PDZD2: variants seen among roughly 807,000 people sequenced by gnomAD.
The protein encoded by PDZD2 is PDZ domain-containing protein 2.
Under a neutral mutation model 220.7 loss-of-function variants are expected in PDZD2, and 90 were observed. The ratio of observed to expected loss-of-function variants is 0.41; its 90% CI spans 0.34 to 0.49. The LOEUF is 0.49. PDZD2 is among the 20% of genes least tolerant of loss of function. The probability of loss-of-function intolerance (pLI) is 0.28; values close to 1 mark genes in which losing one functional copy is unlikely to be tolerated. For missense variants in PDZD2, 3,174 were observed against 3,608.5 expected (o/e 0.88, Z 3.08); for synonymous variants, 1,375 against 1,450.5 (o/e 0.95, Z 1.18).
intron 2 of PDZD2, among the ~76,000 whole-genome samples, chr5:31,919,839 A>C (rs1561077952): frequency 7.0e-6 from 1 of 143,644 alleles, no homozygotes; most frequent in Non-Finnish European, 1.5e-5. Context: ...AATATAGTAA[A>C]ACCTGTCTCT....
intron 7 of PDZD2, among the ~76,000 whole-genome samples, chr5:32,046,096 CAT>C (rs931941340): frequency 3.3e-5 from 5 of 152,028 alleles, no homozygotes; most frequent in Admixed American, 1.3e-4. Flanking sequence ...TATTGTATAT[CAT>C]ATAAACATTG....
chr5:31,726,168 T>G (rs1450847517), intron 1 of PDZD2, among the ~76,000 whole-genome samples: 1 of 152,240 alleles, frequency 6.6e-6, no homozygotes, highest in Non-Finnish European at 1.5e-5. Flanking sequence ...CTGAGTTAAC[T>G]TCCAGGGCCA....
chr5:31,678,122 C>T (rs1293493220), intron 1 of PDZD2, among the ~76,000 whole-genome samples: 1 of 152,184 alleles, frequency 6.6e-6, no homozygotes, highest in Admixed American at 6.5e-5. Context: ...ACATGGGGGA[C>T]AGATGGTCAG....
At chr5:32,064,898 A>G (rs283126) in intron 14 of PDZD2, among the ~76,000 whole-genome samples, 62,677 of 152,028 alleles carry the variant, frequency 0.41, 14,048 homozygotes, top group African/African-American at 0.6. Flanking sequence ...AACCCAGGAG[A>G]TGGAGGTTGC....
intron 24 of PDZD2, among the ~76,000 whole-genome samples, chr5:32,107,681 A>G (rs996973340): frequency 1.3e-5 from 2 of 152,180 alleles, no homozygotes; most frequent in African/African-American, 4.8e-5. Context: ...TTTAGTCTGG[A>G]TGTTAACCAT....
At chr5:31,869,318 A>G (rs887820481) in intron 2 of PDZD2, among the ~76,000 whole-genome samples, 5 of 152,014 alleles carry the variant, frequency 3.3e-5, no homozygotes, top group African/African-American at 2.4e-5. Flanking sequence ...TTCCTGACTC[A>G]CTGTCCCTGT....
At chr5:31,703,637 A>AAAAAAG in intron 1 of PDZD2, among the ~76,000 whole-genome samples, 1 of 152,196 alleles carries the variant, frequency 6.6e-6, no homozygotes, top group East Asian at 1.9e-4. Flanking sequence ...ACTTTAATTA[A>AAAAAAG]AAAAAGAAAA....
At chr5:31,805,027 C>CT (rs1754630386) in intron 2 of PDZD2, among the ~76,000 whole-genome samples, 1 of 152,124 alleles carries the variant, frequency 6.6e-6, no homozygotes, top group Non-Finnish European at 1.5e-5. Flanking sequence ...AACCCTGCCT[C>CT]TACTACAAAT....
chr5:31,995,180 T>G (rs571422645), intron 3 of PDZD2, among the ~76,000 whole-genome samples: 1 of 152,298 alleles, frequency 6.6e-6, no homozygotes, highest in South Asian at 2.1e-4. Context: ...AACAGGACCC[T>G]GTTCAGGAAA....
At chr5:31,663,009 A>T (rs1348981879) in intron 1 of PDZD2, among the ~76,000 whole-genome samples, 2 of 152,302 alleles carry the variant, frequency 1.3e-5, no homozygotes, top group Non-Finnish European at 2.9e-5. Flanking sequence ...TGGGACACGG[A>T]CATTCAGGCC....
At chr5:31,736,640 C>T (rs1395127096) in intron 1 of PDZD2, among the ~76,000 whole-genome samples, 1 of 152,150 alleles carries the variant, frequency 6.6e-6, no homozygotes, top group African/African-American at 2.4e-5. Context: ...AGTGGCTTGC[C>T]AAATCAGTGG....
intron 1 of PDZD2, among the ~76,000 whole-genome samples, chr5:31,667,803 C>CT: frequency 6.7e-6 from 1 of 149,726 alleles, no homozygotes; most frequent in Non-Finnish European, 1.5e-5. Flanking sequence ...CTGGGCCCTG[C>CT]TCAGGAAGGT....
chr5:31,804,964 C>T (rs1182357009), intron 2 of PDZD2, among the ~76,000 whole-genome samples: 1 of 152,162 alleles, frequency 6.6e-6, no homozygotes, highest in Non-Finnish European at 1.5e-5. Context: ...GAGGCCGAGG[C>T]GGGTTGGTCA....
intron 1 of PDZD2, among the ~76,000 whole-genome samples, chr5:31,734,371 G>A (rs1465559714): frequency 6.6e-6 from 1 of 152,144 alleles, no homozygotes; most frequent in Non-Finnish European, 1.5e-5. Flanking sequence ...CCAGGCTGGA[G>A]TGCAGTGATG....
intron 3 of PDZD2, among the ~76,000 whole-genome samples, chr5:31,989,054 A>T (rs1581223339): frequency 6.6e-6 from 1 of 152,178 alleles, no homozygotes; most frequent in East Asian, 1.9e-4. Flanking sequence ...TTGATTTTTT[A>T]AAAATGTTTT....
intron 2 of PDZD2, among the ~76,000 whole-genome samples, chr5:31,819,571 C>T (rs539624141): frequency 6.7e-6 from 1 of 148,934 alleles, no homozygotes; most frequent in Non-Finnish European, 1.5e-5. Context: ...ACAGGAGAGT[C>T]GTTCGAACCT....
At chr5:31,880,573 C>T (rs1291512463) in intron 2 of PDZD2, among the ~76,000 whole-genome samples, 1 of 152,052 alleles carries the variant, frequency 6.6e-6, no homozygotes, top group Non-Finnish European at 1.5e-5. Context: ...TGCAGGAACC[C>T]TATTTTGATT....
chr5:31,794,393 CTTTTT>C (rs34331530), intron 1 of PDZD2, among the ~76,000 whole-genome samples: 22 of 105,262 alleles, frequency 2.1e-4, no homozygotes, highest in East Asian at 1.0e-3. Flanking sequence ...TTCTTTCTTT[CTTTTT>C]TTTTTTTTTT....
chr5:31,727,110 C>T (rs1018441816), intron 1 of PDZD2, among the ~76,000 whole-genome samples: 1 of 152,164 alleles, frequency 6.6e-6, no homozygotes, highest in Non-Finnish European at 1.5e-5. Flanking sequence ...AAGCCATGAG[C>T]GATCCACCCC....
Sources: allele counts gnomAD v4.1 joint callset (sites outside exome capture counted in the v4.1 genomes callset), GRCh38; gene constraint gnomAD v4.1.1; transcripts MANE v1.5; gene names NCBI Gene and HGNC (gene_info 2026-07-23, HGNC 2026-07-21).